ZCCHC14: variants seen among roughly 807,000 people sequenced by gnomAD.
ZCCHC14 encodes the protein zinc finger CCHC domain-containing protein 14.
A neutral mutation model predicts 85.0 loss-of-function variants in ZCCHC14; 16 were observed. The ratio of observed to expected loss-of-function variants is 0.19; its 90% CI spans 0.13 to 0.29. The LOEUF is 0.29. ZCCHC14 is among the 10% of genes least tolerant of loss of function. The probability of loss-of-function intolerance (pLI) is 1.00; values close to 1 mark genes in which losing one functional copy is unlikely to be tolerated. For synonymous variants in ZCCHC14, 775 were observed against 630.7 expected (o/e 1.23, Z -3.43); for missense variants, 1,303 against 1,443.5 (o/e 0.90, Z 1.58).
chr16:87,468,280 C>T (rs1279921003), intron 1 of ZCCHC14, among the ~76,000 whole-genome samples: 1 of 152,098 alleles, frequency 6.6e-6, no homozygotes, highest in African/African-American at 2.4e-5. Context: ...CAGTATCCCA[C>T]TGGCCAATGG....
chr16:87,475,711 C>G (rs1018998677), intron 1 of ZCCHC14, among the ~76,000 whole-genome samples: 1 of 151,918 alleles, frequency 6.6e-6, no homozygotes, highest in African/African-American at 2.4e-5. Context: ...ACCCAAAGAA[C>G]AGAGAGAGAA....
intron 2 of ZCCHC14, among the ~76,000 whole-genome samples, chr16:87,458,504 G>T (rs1212473182): frequency 6.6e-6 from 1 of 152,216 alleles, no homozygotes; most frequent in African/African-American, 2.4e-5. Flanking sequence ...CAGGGCTGCA[G>T]TAAGGAGTTA....
chr16:87,451,611 G>A (rs111238565), intron 2 of ZCCHC14, among the ~76,000 whole-genome samples: 1 of 152,218 alleles, frequency 6.6e-6, no homozygotes, highest in Non-Finnish European at 1.5e-5. Flanking sequence ...CGTTCTAAGC[G>A]CAGCGCCAGC....
chr16:87,489,390 C>T (rs1329215003), intron 1 of ZCCHC14, among the ~76,000 whole-genome samples: 2 of 152,186 alleles, frequency 1.3e-5, no homozygotes, highest in Admixed American at 1.3e-4. Context: ...AACACATAAA[C>T]GCTCATAGCC....
At chr16:87,434,079 G>A (rs933595917) in intron 2 of ZCCHC14, among the ~76,000 whole-genome samples, 5 of 152,226 alleles carry the variant, frequency 3.3e-5, no homozygotes, top group African/African-American at 1.2e-4. Flanking sequence ...GAAGCTGCAC[G>A]GGATGGACAG....
chr16:87,422,289 C>T (rs955794796), intron 4 of ZCCHC14, among the ~76,000 whole-genome samples: 1 of 152,110 alleles, frequency 6.6e-6, no homozygotes, highest in African/African-American at 2.4e-5. Flanking sequence ...ACAGGAACCA[C>T]CCAGACGTAC....
At chr16:87,436,602 T>G (rs1220594339) in intron 2 of ZCCHC14, among the ~76,000 whole-genome samples, 1 of 152,220 alleles carries the variant, frequency 6.6e-6, no homozygotes, top group Non-Finnish European at 1.5e-5. Flanking sequence ...AGCAGCAGGA[T>G]AAATAGCTCA....
Position 87,448,223 on chromosome 16 carries a change from A to G in ZCCHC14, c.694+11785T>C, listed in dbSNP as rs373173675. 2.0e-5 allele frequency among the ~76,000 whole-genome samples: 3 copies of G among 152,320 alleles called. No homozygotes were observed. In the East Asian group the frequency reaches 5.8e-4, roughly 29 times the overall value. On this transcript the variant is annotated intron_variant, in intron 2 of 12. Transcript: ENST00000671377. Reference sequence around the variant, plus strand: ...AAACATTTTGTTATTCTGAATGAAAATAACTTTCATTCAAAACTTGGCTTG... The same window carrying G: ...AAACATTTTGTTATTCTGAATGAAAGTAACTTTCATTCAAAACTTGGCTTG...
intron 7 of ZCCHC14, among the ~76,000 whole-genome samples, chr16:87,418,513 G>A (rs998050351): frequency 2.0e-5 from 3 of 152,172 alleles, no homozygotes; most frequent in African/African-American, 7.2e-5. Context: ...CCCAGGGCCC[G>A]TGCGGACAGA....
chr16:87,451,556 T>A (rs1427695260), intron 2 of ZCCHC14, among the ~76,000 whole-genome samples: 1 of 152,200 alleles, frequency 6.6e-6, no homozygotes, highest in Non-Finnish European at 1.5e-5. Context: ...CTTAGGAAAG[T>A]CACTTATTTA....
intron 2 of ZCCHC14, among the ~76,000 whole-genome samples, chr16:87,455,091 C>T (rs1910888882): frequency 6.6e-6 from 1 of 152,210 alleles, no homozygotes. Context: ...GAATTCAAGA[C>T]CAGCCTGACC....
At chr16:87,484,433 C>T (rs954176784) in intron 1 of ZCCHC14, among the ~76,000 whole-genome samples, 3 of 152,206 alleles carry the variant, frequency 2.0e-5, no homozygotes, top group Admixed American at 6.5e-5. Context: ...AGGCAGGTCA[C>T]AGGACGCTGA....
At position 87,411,913 on chromosome 16, in the gene ZCCHC14, C is replaced by G. The variant is rs770379308; in HGVS notation, c.2808G>C (p.Ser936=). Residue 936 remains serine (S), a synonymous_variant, in exon 12 of 13, where the codon TCG becomes TCC. Transcript: ENST00000671377. ...TGGCGTAGCTGACAGTCAGGCCACT[C>G]GAGCCGCAGCTGCCGCTGCAGCCAC... ...TSCGCSGSCG[S]SGLTVSYANY... 2 of 1,589,656 alleles carry G rather than the reference C, an allele frequency of 1.3e-6. No homozygotes were observed. The highest frequency in any genetic ancestry group is 1.1e-5 in the South Asian group (1 of 88,922).
At chr16:87,488,863 C>A (rs1167027349) in intron 1 of ZCCHC14, among the ~76,000 whole-genome samples, 2 of 152,188 alleles carry the variant, frequency 1.3e-5, no homozygotes, top group African/African-American at 2.4e-5. Flanking sequence ...CAGGCGTAAG[C>A]CACCTTGCCA....
At chr16:87,418,816 A>G in intron 7 of ZCCHC14, 31 bp downstream of exon 7, 1 of 1,602,918 alleles carries the variant, frequency 6.2e-7, no homozygotes, top group South Asian at 1.1e-5. Context: ...TGCTTATCTG[A>G]ACTGTGCTGG....
At chr16:87,448,435 C>G (rs914246154) in intron 2 of ZCCHC14, among the ~76,000 whole-genome samples, 3 of 152,204 alleles carry the variant, frequency 2.0e-5, no homozygotes, top group African/African-American at 7.2e-5. Flanking sequence ...TTTCTCAGCA[C>G]TCAGTCTGCC....
In ZCCHC14 at chr16:87,417,737, A is replaced by C. The variant is rs1303880660; in HGVS notation, c.1106T>G (p.Val369Gly). 1 of 1,591,640 alleles carries C rather than the reference A, an allele frequency of 6.3e-7. No homozygotes were observed. The highest frequency in any genetic ancestry group is 8.5e-7 in the Non-Finnish European group (1 of 1,170,588). ...GTVMGVSGRP[V>G]CGVAGIPSSQ... Reference sequence around the variant, plus strand: ...GGACGGGATACCAGCCACTCCACACACAGGCCTGTGGGACAGGGGCAGGAG... The same window carrying C: ...GGACGGGATACCAGCCACTCCACACCCAGGCCTGTGGGACAGGGGCAGGAG... Residue 369 changes from valine (V) to glycine (G), a missense_variant, in exon 8 of 13, where the codon GTG (valine) becomes GGG (glycine). By Grantham distance (109) the Val-to-Gly change is moderately radical. This residue lies in a region of ZCCHC14 where 389 missense variants were observed against 397.8 expected (regional missense o/e 0.98). Coordinates refer to ENST00000671377, the MANE Select transcript of ZCCHC14 (RefSeq NM_015144.3).
rs933943760 is a variant in ZCCHC14, at chr16:87,420,882, G to A, written c.841-166C>T. 6.6e-6 allele frequency among the ~76,000 whole-genome samples: 1 copy of A among 152,184 alleles called. No homozygotes were observed. Among genetic ancestry groups the A allele is most frequent in the Non-Finnish European group, 1.5e-5 (1 of 68,030 alleles). ...TATTCTGGGGCCCACATCCACTTAG[G>A]GTGTAGAAAGTCACAAAAGAACATC... is the stretch of plus-strand genomic sequence containing the variant. On this transcript the variant is annotated intron_variant, in intron 4 of 12. Coordinates refer to ENST00000671377, the MANE Select transcript of ZCCHC14 (RefSeq NM_015144.3). This position sits in a 1 kb window ranked among gnomAD's most constrained non-coding sequence, Gnocchi z 5.0.
rs773436443 is a variant in ZCCHC14, at chr16:87,412,833, G to A, written c.1888C>T (p.Leu630=). The A allele has an allele frequency of 2.8e-5, 45 of 1,609,518 alleles. No individual in the cohort carries two copies. Among genetic ancestry groups the A allele is most frequent in the Admixed American group, 8.4e-5 (5 of 59,684 alleles). The change falls in exon 12 of 13, where the codon CTG becomes TTG. Residue 630 remains leucine, a synonymous_variant. Coordinates refer to ENST00000671377, the MANE Select transcript of ZCCHC14 (RefSeq NM_015144.3). ...GCTGCGCTCAGCATCTGCGGGGGCA[G>A]GGGGTGGTGGCCTGATGGATTGGAG... ...ASSNPSGHHP[L]PPQMLSAASH... is the part of the protein sequence containing the mutation.
Sources: gnomAD v4.1 joint callset for allele counts (sites outside exome capture counted in the v4.1 genomes callset) on GRCh38, gnomAD v4.1.1 for gene constraint, gnomAD v4.1.1 regional missense constraint, Gnocchi (gnomAD v3.1) non-coding constraint, MANE v1.5 for transcripts, NCBI Gene and HGNC (gene_info 2026-07-23, HGNC 2026-07-21) for gene names.